Variants in MLXIPL observed in about 807,000 individuals in gnomAD.
MLXIPL encodes the protein MLX interacting protein like.
Under a neutral mutation model 81.5 loss-of-function variants are expected in MLXIPL, and 49 were observed. The ratio of observed to expected loss-of-function variants is 0.60; its 90% confidence interval spans 0.48 to 0.76. The LOEUF (loss-of-function observed/expected upper bound fraction) is 0.76. MLXIPL is among the 30% of genes least tolerant of loss of function. MLXIPL has a pLI of 0.00. For missense variants in MLXIPL, 1,053 were observed against 1,167.0 expected (o/e 0.90, Z 1.42); for synonymous variants, 466 against 485.5 (o/e 0.96, Z 0.53).
At chr7:73,644,924 T>C in the MLXIPL span, among the ~76,000 whole-genome samples, 1 of 152,242 alleles carries the variant, frequency 6.6e-6, no homozygotes, top group Non-Finnish European at 1.5e-5. Context: ...AGGAAGCATA[T>C]CTCTCGCCCA....
chr7:73,626,484 T>C (rs34121855), upstream of MLXIPL, among the ~76,000 whole-genome samples: 2 of 151,520 alleles, frequency 1.3e-5, no homozygotes, highest in Non-Finnish European at 2.9e-5. Flanking sequence ...TTTTTTTTTG[T>C]AGAGATGAAA....
intron 2 of MLXIPL, among the ~76,000 whole-genome samples, chr7:73,611,813 CAA>C (rs549822897): frequency 1.5e-5 from 2 of 131,384 alleles, no homozygotes; most frequent in Non-Finnish European, 1.6e-5. Context: ...GAGACTGTCT[CAA>C]AAAAAAAAAA....
At chr7:73,624,580 GC>G, upstream of MLXIPL, 1 of 1,431,058 alleles carries the variant, frequency 7.0e-7, no homozygotes, top group Non-Finnish European at 9.1e-7. Flanking sequence ...ACATAGCCCC[GC>G]CCCCACACCA....
intron 1 of MLXIPL, among the ~76,000 whole-genome samples, chr7:73,621,753 CTCCCTCCCTTCCT>C: frequency 9.3e-6 from 1 of 107,266 alleles, no homozygotes; most frequent in African/African-American, 3.6e-5. Flanking sequence ...ATCTCCCTCC[CTCCCTCCCTTCCT>C]CCCTCTCTCC....
At chr7:73,612,378 C>T (rs1554599900) in intron 2 of MLXIPL, among the ~76,000 whole-genome samples, 2 of 151,748 alleles carry the variant, frequency 1.3e-5, no homozygotes, top group South Asian at 2.1e-4. Flanking sequence ...CGGTGGCTCA[C>T]GCCTGTAATC....
At chr7:73,616,019 G>A (rs1394326179) in intron 2 of MLXIPL, 52 bp downstream of exon 2, 4 of 1,480,284 alleles carry the variant, frequency 2.7e-6, no homozygotes, top group Non-Finnish European at 3.8e-6. Context: ...CTGGCAGGAG[G>A]GTTGGAGGGG....
upstream of MLXIPL, chr7:73,624,639 A>C (rs1796616132): frequency 1.5e-6 from 2 of 1,349,004 alleles, no homozygotes; most frequent in Non-Finnish European, 1.9e-6. Flanking sequence ...GGCTTGTATT[A>C]GCATAATCCT....
At chr7:73,605,040 A>G (rs1161862791) in intron 7 of MLXIPL, among the ~76,000 whole-genome samples, 1 of 151,928 alleles carries the variant, frequency 6.6e-6, no homozygotes, top group Non-Finnish European at 1.5e-5. Flanking sequence ...TGCTGGGATT[A>G]CAGGTGTGAG....
chr7:73,606,393 TG>T (rs200573651), intron 5 of MLXIPL: 2 of 509,274 alleles, frequency 3.9e-6, no homozygotes, highest in East Asian at 3.2e-5. Context: ...TTGGTCCCTC[TG>T]GTTTTTTTTT....
At chr7:73,634,454 C>T in the MLXIPL span, among the ~76,000 whole-genome samples, 1 of 151,666 alleles carries the variant, frequency 6.6e-6, no homozygotes, top group Non-Finnish European at 1.5e-5. Flanking sequence ...TGCAGTGGCT[C>T]GATCTTGGCT....
At chr7:73,635,304 G>C in the MLXIPL span, among the ~76,000 whole-genome samples, 1 of 152,116 alleles carries the variant, frequency 6.6e-6, no homozygotes, top group Non-Finnish European at 1.5e-5. Context: ...GGTAGAGAAA[G>C]AGGAGAAGAA....
chr7:73,597,921 C>T (rs1054784351), intron 8 of MLXIPL, among the ~76,000 whole-genome samples: 3 of 152,088 alleles, frequency 2.0e-5, no homozygotes, highest in South Asian at 2.1e-4. Flanking sequence ...AGGAGGGAGT[C>T]GAGTACATTT....
At chr7:73,624,740 C>T (rs949096177), upstream of MLXIPL, among the ~76,000 whole-genome samples, 1 of 152,152 alleles carries the variant, frequency 6.6e-6, no homozygotes, top group Admixed American at 6.5e-5. Flanking sequence ...TAGAGCCGCC[C>T]CTACTTTGCT....
At chr7:73,620,982 G>A (rs1554601894) in intron 1 of MLXIPL, among the ~76,000 whole-genome samples, 2 of 151,238 alleles carry the variant, frequency 1.3e-5, no homozygotes, top group Non-Finnish European at 2.9e-5. Flanking sequence ...CTCAGGAGAC[G>A]GAGATTACAG....
In MLXIPL at chr7:73,594,341, CACACTTGCCGTGG is replaced by C; in HGVS notation, c.2360_2372del (p.Ser787CysfsTer26). The C allele has an allele frequency of 6.2e-7, 1 of 1,610,468 alleles. No homozygotes were observed. Among genetic ancestry groups the C allele is most frequent in the Non-Finnish European group, 8.5e-7 (1 of 1,179,982 alleles). ...CCAGTGAGGTCTGGCGGAGGGTGTG[CACACTTGCCGTGG>C]ACACCATCCCGTTGAAGGACTCAAA... On this transcript the variant is annotated frameshift_variant, in exon 16 of 17. Coordinates refer to ENST00000313375, the MANE Select transcript of MLXIPL (RefSeq NM_032951.3). LOFTEE classifies it high-confidence loss of function.
chr7:73,602,118 GCCTGCCTGCCTGCCTTCCTTCCTT>G (rs1794892493), intron 7 of MLXIPL, among the ~76,000 whole-genome samples: 5 of 49,068 alleles, frequency 1.0e-4, no homozygotes, highest in African/African-American at 3.3e-4. Flanking sequence ...CTGCCTGCCT[GCCTGCCTGCCTGCCTTCCTTCCTT>G]CCTTCCTTCC....
rs1050259781 is a variant in MLXIPL, at chr7:73,593,688, C to A, written c.*177G>T. The stretch of plus-strand genomic sequence containing the variant: ...TGGCAGAGCAGGGACGGGGACTCTG[C>A]TCTTCTTGACCTCCAGGAGGTGGCA... On this transcript the variant is annotated 3_prime_UTR_variant, in exon 17 of 17. Transcript: ENST00000313375. The A allele has an allele frequency of 7.7e-5, 49 of 634,202 alleles. No individual in the cohort carries two copies. The highest frequency in any genetic ancestry group is 2.0e-5 in the Non-Finnish European group (7 of 350,964). The allele number at this position is 634,202 out of a possible 1,614,324, so 39.3% of individuals were successfully genotyped here. A position where few individuals can be genotyped will look rare whatever the true frequency, so the allele number is the denominator to read the frequency against.
At chr7:73,607,510 C>T (rs1795389175) in intron 3 of MLXIPL, 80 bp downstream of exon 3, 4 of 1,569,568 alleles carry the variant, frequency 2.5e-6, no homozygotes, top group Non-Finnish European at 3.5e-6. Context: ...GTCTGCTCAG[C>T]GCAAGGCTAC....
the MLXIPL span, among the ~76,000 whole-genome samples, chr7:73,644,742 G>A: frequency 4.6e-5 from 7 of 152,070 alleles, no homozygotes; most frequent in African/African-American, 1.2e-4. Context: ...AAGATAGGGC[G>A]ACAATCTCCT....
Sources: gnomAD v4.1 joint callset for allele counts (sites outside exome capture counted in the v4.1 genomes callset) on GRCh38, gnomAD v4.1.1 for gene constraint, MANE v1.5 for transcripts, NCBI Gene and HGNC (gene_info 2026-07-23, HGNC 2026-07-21) for gene names.